DCTN2: variants seen among roughly 807,000 people sequenced by gnomAD.
DCTN2 encodes dynactin subunit 2.
DCTN2 carries 18 observed loss-of-function variants against 55.4 expected under a neutral mutation model. That is an observed-to-expected ratio of 0.32 (90% CI 0.22 to 0.48). The LOEUF is 0.48. DCTN2 is among the 20% of genes least tolerant of loss of function. The pLI is 0.99. For missense variants in DCTN2, 390 were observed against 491.0 expected (o/e 0.79, Z 1.94); for synonymous variants, 168 against 185.2 (o/e 0.91, Z 0.76).
At chr12:57,546,645 G>C (rs1881188433) in intron 1 of DCTN2, among the ~76,000 whole-genome samples, 1 of 152,124 alleles carries the variant, frequency 6.6e-6, no homozygotes, top group Non-Finnish European at 1.5e-5. Context: ...CTCTTCCTTG[G>C]CAGGATGAAG....
intron 7 of DCTN2, among the ~76,000 whole-genome samples, chr12:57,533,507 C>G (rs1879933386): frequency 1.3e-5 from 2 of 152,176 alleles, no homozygotes; most frequent in Admixed American, 6.5e-5. Context: ...CGCGGTGGCT[C>G]ACGCCTGTAA....
At chr12:57,541,951 C>T (rs1234009477) in intron 2 of DCTN2, among the ~76,000 whole-genome samples, 1 of 152,196 alleles carries the variant, frequency 6.6e-6, no homozygotes, top group Non-Finnish European at 1.5e-5. Flanking sequence ...ATTTTACTTC[C>T]TGCTAAAATT....
rs1306403697 is a variant in DCTN2 at position 57,534,385 on chromosome 12, G to A, written c.431C>T (p.Ala144Val). Residue 144 changes from alanine to valine, a missense_variant, in exon 6 of 14, where the codon GCC (alanine) becomes GTC (valine). Ala to Val is a moderately conservative substitution (Grantham distance 64). Around this residue, in one of 2 missense-constraint regions of DCTN2, gnomAD observed 117 missense variants for 187.8 expected, o/e 0.62. Coordinates refer to ENST00000548249, the MANE Select transcript of DCTN2 (RefSeq NM_001261413.2). ...GGAAGCAACCAGCTGCTGCTTCAGG[G>A]CTGCCAGCTGTTTAGCCAGCAACAC... ...TPVLLAKQLA[A>V]LKQQLVASHL... is the part of the protein sequence containing the mutation. The A allele has an allele frequency of 1.2e-6, 2 of 1,612,712 alleles. No individual in the cohort carries two copies. Among genetic ancestry groups the A allele is most frequent in the Non-Finnish European group, 1.7e-6 (2 of 1,179,206 alleles).
At chr12:57,542,757 T>C (rs1341265257) in intron 2 of DCTN2, 5 of 454,294 alleles carry the variant, frequency 1.1e-5, no homozygotes, top group Non-Finnish European at 2.2e-5. Context: ...AGGCAAAGGT[T>C]GCAGTGAGAC....
At chr12:57,531,892 C>A in intron 13 of DCTN2, 123 bp downstream of exon 13, 1 of 1,422,526 alleles carries the variant, frequency 7.0e-7, no homozygotes. Context: ...GATGGAGACT[C>A]CAGACCAACC....
At chr12:57,542,906 G>A (rs759857052) in intron 2 of DCTN2, 2 of 456,084 alleles carry the variant, frequency 4.4e-6, no homozygotes, top group Non-Finnish European at 8.8e-6. Context: ...GAACTGAGTG[G>A]TGGTAGGCAG....
chr12:57,538,405 G>C (rs767801688), intron 2 of DCTN2: 101 of 697,302 alleles, frequency 1.4e-4, no homozygotes, highest in Middle Eastern at 4.6e-4. Flanking sequence ...GGAAAAGGCT[G>C]GGTGTGGGAC....
chr12:57,546,930 G>A, intron 1 of DCTN2, 98 bp downstream of exon 1: 1 of 1,014,400 alleles, frequency 9.9e-7, no homozygotes, highest in East Asian at 3.3e-5. Flanking sequence ...GGCGGAGGAT[G>A]GGCTGCAGGC....
rs1881236041 is a variant in DCTN2 at position 57,547,070 on chromosome 12, G to A, written c.-7C>T. On this transcript the variant is annotated 5_prime_UTR_variant, in exon 1 of 14. Transcript: ENST00000548249. ...CGTATTTAGGGTCCGCCATGGCGGC[G>A]GCGAGACGGGCTGGGGGACCCGGGC... 1.6e-6 allele frequency: 2 copies of A among 1,270,976 alleles called. No homozygotes were observed. The highest frequency in any genetic ancestry group is 3.7e-5 in the South Asian group (1 of 27,274). 78.7% of individuals were successfully genotyped at this position (1,270,976 alleles called of 1,614,324 possible). A position where few individuals can be genotyped will look rare whatever the true frequency, so the allele number is the denominator to read the frequency against.
intron 2 of DCTN2, chr12:57,536,099 C>A: frequency 1.9e-6 from 1 of 521,734 alleles, no homozygotes; most frequent in South Asian, 2.6e-5. Context: ...CCTCCCCACC[C>A]TCTCTGTACA....
chr12:57,532,677 C>T, intron 10 of DCTN2, 34 bp from the exon 11 acceptor site: 4 of 1,613,748 alleles, frequency 2.5e-6, no homozygotes, highest in Non-Finnish European at 3.4e-6. Context: ...GATAGGGCAT[C>T]CAGGGCTTCC....
At position 57,532,094 on chromosome 12, in the gene DCTN2, C is replaced by G; in HGVS notation, c.1040G>C (p.Gly347Ala). Residue 347 changes from glycine to alanine, a missense_variant, in exon 13 of 14, where the codon GGT becomes GCT. Coordinates refer to ENST00000548249, the MANE Select transcript of DCTN2 (RefSeq NM_001261413.2). The stretch of plus-strand genomic sequence containing the variant: ...GGTATCCAAGTGTGTCAGGAGCTGA[C>G]CAAACTGCATGGCTACAAAAGAAAA... Reference protein sequence around the residue: ...KQLHEQAMQFGQLLTHLDTTQ... With the variant: ...KQLHEQAMQFAQLLTHLDTTQ... 6.4e-7 allele frequency: 1 copy of G among 1,560,950 alleles called. No individual in the cohort carries two copies. The highest frequency in any genetic ancestry group is 8.7e-7 in the Non-Finnish European group (1 of 1,151,812).
chr12:57,547,019 T>C lies in DCTN2; in HGVS notation c.36+9A>G. On this transcript the variant is annotated intron_variant, in intron 1 of 13. Transcript: ENST00000548249. ...GGTCCTGGGGAGCCGGGGCCGGTCC[T>C]GTACTCACAATGCCGGGAAGGTCGG... The C allele has an allele frequency of 2.3e-6, 3 of 1,292,008 alleles. No homozygotes were observed. Among genetic ancestry groups the C allele is most frequent in the Non-Finnish European group, 3.0e-6 (3 of 1,011,504 alleles). 80.0% of individuals were successfully genotyped at this position (1,292,008 alleles called of 1,614,324 possible).
intron 2 of DCTN2, chr12:57,541,425 A>G: frequency 6.3e-7 from 1 of 1,591,698 alleles, no homozygotes; most frequent in Admixed American, 1.7e-5. Flanking sequence ...CATTAGGAAA[A>G]ACTCAGGTAA....
rs1879581150 is a variant in DCTN2 at position 57,530,597 on chromosome 12, C to T, written c.*92G>A. On this transcript the variant is annotated 3_prime_UTR_variant, in exon 14 of 14. Transcript: ENST00000548249. ...CCCAGTGTCAAATGGGATGGGGATG[C>T]TAGAGTTATAGTAAAGGGGAAACCC... 6 of 1,141,502 alleles carry T rather than the reference C, an allele frequency of 5.3e-6. No individual in the cohort carries two copies. The highest frequency in any genetic ancestry group is 5.1e-6 in the Non-Finnish European group (4 of 780,304). The allele number at this position is 1,141,502 out of a possible 1,614,324, so 70.7% of individuals were successfully genotyped here.
intron 8 of DCTN2, 92 bp downstream of exon 8, chr12:57,533,146 G>A (rs1303301437): frequency 3.2e-6 from 5 of 1,566,236 alleles, no homozygotes; most frequent in East Asian, 2.2e-5. Flanking sequence ...GCCCTTTGAT[G>A]ACTCCTCCCA....
chr12:57,531,814 T>C (rs1287889691), intron 13 of DCTN2, among the ~76,000 whole-genome samples: 1 of 152,206 alleles, frequency 6.6e-6, no homozygotes, highest in African/African-American at 2.4e-5. Context: ...GAGGTATAAT[T>C]TCCCAGATGG....
At chr12:57,540,648 C>T (rs1349959881) in intron 2 of DCTN2, among the ~76,000 whole-genome samples, 1 of 152,212 alleles carries the variant, frequency 6.6e-6, no homozygotes, top group Non-Finnish European at 1.5e-5. Flanking sequence ...CCTATTCAGG[C>T]TGTACGCCAA....
intron 2 of DCTN2, among the ~76,000 whole-genome samples, chr12:57,539,359 C>G (rs1285660917): frequency 1.3e-5 from 2 of 152,220 alleles, no homozygotes; most frequent in African/African-American, 4.8e-5. Flanking sequence ...CAGGGGACAT[C>G]AAGATTCACA....
Sources: allele counts gnomAD v4.1 joint callset (sites outside exome capture counted in the v4.1 genomes callset), GRCh38; gene constraint gnomAD v4.1.1; regional missense constraint gnomAD v4.1.1; transcripts MANE v1.5; gene names NCBI Gene and HGNC (gene_info 2026-07-23, HGNC 2026-07-21).